Variants in FAM170A observed in about 807,000 individuals in gnomAD.
FAM170A encodes the protein protein FAM170A.
Under a neutral mutation model 36.6 loss-of-function variants are expected in FAM170A, and 28 were observed. The ratio of observed to expected loss-of-function variants is 0.76; its 90% CI spans 0.57 to 1.05. The LOEUF (loss-of-function observed/expected upper bound fraction) is 1.05, where lower values mean the gene tolerates loss of function less well. FAM170A is among the 50% of genes least tolerant of loss of function. FAM170A has a pLI of 0.00. For missense variants in FAM170A, 434 were observed against 396.5 expected (o/e 1.09, Z -0.80); for synonymous variants, 156 against 143.9 (o/e 1.08, Z -0.60).
chr5:119,629,799 G>T lies in FAM170A; in HGVS notation c.31G>T (p.Glu11Ter). The change falls in exon 1 of 5, where the codon GAA (glutamate) becomes TAA (stop). Residue 11 changes from glutamate (E) to a stop codon, truncating the protein, a stop_gained. Transcript: ENST00000613773. LOFTEE classifies it high-confidence loss of function. ...ACGACGACAAAAGAGGAAACATTTG[G>T]AAAATGAAGAGTCCCAGGAAACCGC... 6.2e-7 allele frequency: 1 copy of T among 1,613,772 alleles called. No individual in the cohort carries two copies. The highest frequency in any genetic ancestry group is 8.5e-7 in the Non-Finnish European group (1 of 1,179,762).
chr5:119,632,682 G>T, intron 1 of FAM170A, 66 bp from the exon 2 acceptor site: 1 of 1,421,566 alleles, frequency 7.0e-7, no homozygotes, highest in Non-Finnish European at 9.5e-7. Flanking sequence ...AATATTTGTT[G>T]GATGGTAAAT....
intron 1 of FAM170A, among the ~76,000 whole-genome samples, chr5:119,631,540 G>A (rs1425716247): frequency 1.3e-5 from 2 of 152,082 alleles, no homozygotes; most frequent in African/African-American, 2.4e-5. Context: ...AGTGTATACC[G>A]AATTTTTGTT....
At chr5:119,633,925 A>G (rs750018758) in intron 2 of FAM170A, 35 bp from the exon 3 acceptor site, 30 of 1,586,358 alleles carry the variant, frequency 1.9e-5, no homozygotes, top group Non-Finnish European at 2.6e-5. Context: ...AGCATGGCCC[A>G]TGCATCTGCT....
At chr5:119,630,958 T>C (rs1046700311) in intron 1 of FAM170A, among the ~76,000 whole-genome samples, 15 of 152,232 alleles carry the variant, frequency 9.9e-5, no homozygotes, top group African/African-American at 3.4e-4. Context: ...GGCGTCATAG[T>C]GAAACCACGG....
At chr5:119,629,716 A>G (rs1273607881) in exon 1 of FAM170A, 2 of 1,417,310 alleles carry the variant, frequency 1.4e-6, no homozygotes, top group African/African-American at 2.8e-5. Context: ...ATCTACAGGA[A>G]AAAGTGGGAG....
In FAM170A at chr5:119,633,623, C is replaced by A. The variant is rs145333981; in HGVS notation, c.212-337C>A. ...CCACCCAAATGCATGACCTGCAGTG[C>A]CATTCTCCCACACTACCTCCCACAT... On this transcript the variant is annotated intron_variant, in intron 2 of 4. Coordinates refer to ENST00000613773, the Ensembl canonical transcript of FAM170A. 6.2e-3 allele frequency among the ~76,000 whole-genome samples: 949 copies of A among 152,144 alleles called. 10 individuals carry two copies. The South Asian group carries it at 0.064, about 10-fold the overall frequency.
exon 1 of FAM170A, chr5:119,629,714 G>C: frequency 7.1e-7 from 1 of 1,398,786 alleles, no homozygotes; most frequent in Non-Finnish European, 1.0e-6. Context: ...CAATCTACAG[G>C]AAAAAGTGGG....
chr5:119,634,156 C>T (rs1277805387), exon 3 of FAM170A: 1 of 1,614,156 alleles, frequency 6.2e-7, no homozygotes, highest in South Asian at 1.1e-5. Flanking sequence ...TACAAATGAA[C>T]AAAGGTGTGG....
At chr5:119,635,581 C>G (rs1451280318) in intron 4 of FAM170A, 119 bp from the exon 5 acceptor site, 1 of 155,962 alleles carries the variant, frequency 6.4e-6, no homozygotes, top group Admixed American at 6.4e-5. Flanking sequence ...TGGAAATGAA[C>G]TCACTGTGGG....
At chr5:119,629,601 G>A (rs1007142590) in exon 1 of FAM170A, 6 of 543,384 alleles carry the variant, frequency 1.1e-5, no homozygotes, top group Non-Finnish European at 2.0e-5. Flanking sequence ...GGGCAGTGCT[G>A]CTCCTTCACT....
At chr5:119,635,610 C>G (rs1442844676) in intron 4 of FAM170A, 90 bp from the exon 5 acceptor site, 1 of 154,982 alleles carries the variant, frequency 6.5e-6, no homozygotes, top group African/African-American at 2.4e-5. Flanking sequence ...CTCTGAGCTT[C>G]AAAACAAAGG....
In FAM170A at chr5:119,635,233, G is replaced by A. The variant is rs112042682; in HGVS notation, c.*52+147G>A. 170 of 614,074 alleles carry A rather than the reference G, an allele frequency of 2.8e-4. 1 individual carries two copies. In the African/African-American group the frequency reaches 2.8e-3, roughly 10 times the overall value. The allele number at this position is 614,074 out of a possible 1,614,324, so 38.0% of individuals were successfully genotyped here. On this transcript the variant is annotated intron_variant, in intron 4 of 4. Transcript: ENST00000613773. ...TGCACCTGGTGCTTCTGGGGGAATT[G>A]TCCTCCATTTGCTTAGATGACAAGG...
exon 3 of FAM170A, chr5:119,634,278 C>A (rs1473995348): frequency 6.2e-7 from 1 of 1,614,148 alleles, no homozygotes; most frequent in South Asian, 1.1e-5. Flanking sequence ...TCTGATGTGT[C>A]CACCAGAAAC....
chr5:119,635,344 G>A (rs780413865), intron 4 of FAM170A, among the ~76,000 whole-genome samples: 2 of 152,192 alleles, frequency 1.3e-5, no homozygotes, highest in Non-Finnish European at 2.9e-5. Context: ...TCTAGGCAGC[G>A]GAAGCTCAGT....
At position 119,633,919 on chromosome 5, in the gene FAM170A, T is replaced by C. The variant is rs375871764; in HGVS notation, c.212-41T>C. 2.5e-6 allele frequency: 4 copies of C among 1,577,772 alleles called. No homozygotes were observed. The African/African-American group carries it at 4.1e-5, about 16-fold the overall frequency. The stretch of plus-strand genomic sequence containing the variant: ...ACTTACGTTCCCTCAGCTCCTAGCA[T>C]GGCCCATGCATCTGCTCATGTTTCT... On this transcript the variant is annotated intron_variant, in intron 2 of 4. Transcript: ENST00000613773.
rs1756344552 is a variant in FAM170A at position 119,634,800 on chromosome 5, C to T, written c.986+66C>T. 3 of 1,456,934 alleles carry T rather than the reference C, an allele frequency of 2.1e-6. No homozygotes were observed. In the Admixed American group the frequency reaches 6.7e-5, roughly 32 times the overall value. 90.3% of individuals were successfully genotyped at this position (1,456,934 alleles called of 1,614,324 possible). On this transcript the variant is annotated intron_variant, in intron 3 of 4. Transcript: ENST00000613773. ...GGCTTCCCCGAGCCAGTACTGTCTC[C>T]CCAGTTCAGGCTTAGGTCTCTGTAA... is the stretch of plus-strand genomic sequence containing the variant.
intron 1 of FAM170A, 132 bp from the exon 2 acceptor site, chr5:119,632,616 C>G (rs1412641773): frequency 1.3e-6 from 1 of 749,614 alleles, no homozygotes; most frequent in African/African-American, 1.8e-5. Context: ...CCACCAGAAG[C>G]CTGTCTCACA....
Position 119,630,326 on chromosome 5 carries a change from T to G in FAM170A, c.70+488T>G, listed in dbSNP as rs2443742. On this transcript the variant is annotated intron_variant, in intron 1 of 4. Coordinates refer to ENST00000613773, the Ensembl canonical transcript of FAM170A. Reference sequence around the variant, plus strand: ...CCCGCCACCACGCCTGGCTAATTTTTTTTTTTTTTTTTTTTTTTGTATTTG... The same window carrying G: ...CCCGCCACCACGCCTGGCTAATTTTGTTTTTTTTTTTTTTTTTTGTATTTG... Among the ~76,000 whole-genome samples the G allele has an allele frequency of 2.0e-4, 17 of 83,588 alleles. No individual in the cohort carries two copies. In the East Asian group the frequency reaches 4.2e-3, roughly 21 times the overall value. 54.8% of individuals were successfully genotyped at this position (83,588 alleles called of 152,430 possible).
exon 1 of FAM170A, chr5:119,629,801 A>T (rs1283650981): frequency 1.2e-6 from 2 of 1,613,814 alleles, no homozygotes; most frequent in East Asian, 4.5e-5. Flanking sequence ...AACATTTGGA[A>T]AATGAAGAGT....
Sources: gnomAD v4.1 joint callset for allele counts (sites outside exome capture counted in the v4.1 genomes callset) on GRCh38, gnomAD v4.1.1 for gene constraint, MANE v1.5 for transcripts, NCBI Gene and HGNC (gene_info 2026-07-23, HGNC 2026-07-21) for gene names.